The following CCDC170 variants were observed in gnomAD, a reference collection of about 807,000 sequenced individuals.
CCDC170 encodes the protein coiled-coil domain-containing protein 170.
In CCDC170, 69 loss-of-function variants were observed where a neutral mutation model predicts 72.6. That is an observed-to-expected ratio of 0.95 (90% confidence interval 0.78 to 1.16). The LOEUF is 1.16. Among genes scored for constraint, CCDC170 ranks in the 50% most tolerant of loss-of-function variants. The probability of loss-of-function intolerance (pLI) is 0.00; values close to 1 mark genes in which losing one functional copy is unlikely to be tolerated. For missense variants in CCDC170, 852 were observed against 832.5 expected, an observed-to-expected ratio of 1.02 and a Z score of -0.29; for synonymous variants, 300 against 303.9, an observed-to-expected ratio of 0.99 and a Z score of 0.13.
chr6:151,606,587 T>C (rs1200074774), intron 9 of CCDC170, among the ~76,000 whole-genome samples: 3 of 152,240 alleles, frequency 2.0e-5, no homozygotes, highest in African/African-American at 7.2e-5. Flanking sequence ...GAAGAGCATG[T>C]ATTCTGCAGT....
intron 9 of CCDC170, among the ~76,000 whole-genome samples, chr6:151,610,220 T>C (rs954484750): frequency 3.3e-5 from 5 of 152,222 alleles, no homozygotes; most frequent in Admixed American, 1.3e-4. Context: ...TGTTTAATGG[T>C]CTACAGAATA....
intron 7 of CCDC170, among the ~76,000 whole-genome samples, chr6:151,590,892 C>T (rs974675045): frequency 6.6e-6 from 1 of 152,126 alleles, no homozygotes; most frequent in Non-Finnish European, 1.5e-5. Flanking sequence ...CAAGCAATAG[C>T]AGTTAGGTCA....
At position 151,596,386 on chromosome 6, in the gene CCDC170, C is replaced by T. The variant is rs1278416051; in HGVS notation, c.1519C>T (p.Leu507Phe). 3 of 1,614,112 alleles carry T rather than the reference C, an allele frequency of 1.9e-6. No homozygotes were observed. The highest frequency in any genetic ancestry group is 2.5e-6 in the Non-Finnish European group (3 of 1,180,010). ...GAGCAAAGAATTACACATGAGCCTC[C>T]TCCGGCAGAAAATAGCCCAGCTGGA... ...LESKELHMSL[L>F]RQKIAQLEEE... Residue 507 changes from leucine (L) to phenylalanine (F), a missense_variant, in exon 9 of 11, where the codon CTC (leucine) becomes TTC (phenylalanine). Leu to Phe is a conservative substitution (Grantham distance 22). Coordinates refer to ENST00000239374, the MANE Select transcript of CCDC170 (RefSeq NM_025059.4).
intron 1 of CCDC170, among the ~76,000 whole-genome samples, chr6:151,532,251 C>T (rs1782500656): frequency 6.6e-6 from 1 of 151,940 alleles, no homozygotes; most frequent in Non-Finnish European, 1.5e-5. Context: ...TACAATATGA[C>T]AAAAAGATAA....
At chr6:151,513,066 A>G (rs1002899270) in intron 1 of CCDC170, among the ~76,000 whole-genome samples, 1 of 152,214 alleles carries the variant, frequency 6.6e-6, no homozygotes, top group Non-Finnish European at 1.5e-5. Flanking sequence ...CTAAGGAAAC[A>G]GTCAGAATTC....
chr6:151,571,490 G>A (rs1360370820), intron 5 of CCDC170, among the ~76,000 whole-genome samples: 1 of 152,180 alleles, frequency 6.6e-6, no homozygotes, highest in East Asian at 1.9e-4. Flanking sequence ...CACTTTGGGA[G>A]GCCGAAGCGG....
intron 5 of CCDC170, among the ~76,000 whole-genome samples, chr6:151,567,763 C>T (rs1776158245): frequency 6.6e-6 from 1 of 152,096 alleles, no homozygotes; most frequent in Non-Finnish European, 1.5e-5. Flanking sequence ...TCACCACTAG[C>T]CACTTACCAC....
intron 5 of CCDC170, among the ~76,000 whole-genome samples, chr6:151,549,601 T>C (rs1782844907): frequency 6.6e-6 from 1 of 152,008 alleles, no homozygotes; most frequent in South Asian, 2.1e-4. Flanking sequence ...CTTTAAAAAA[T>C]TTATTTGTAG....
chr6:151,557,796 G>A (rs553902722), intron 5 of CCDC170, among the ~76,000 whole-genome samples: 5 of 152,256 alleles, frequency 3.3e-5, no homozygotes, highest in African/African-American at 1.2e-4. Context: ...GCATTTCCCT[G>A]ATGATCAGTG....
intron 1 of CCDC170, among the ~76,000 whole-genome samples, chr6:151,509,586 A>G (rs899769133): frequency 3.3e-5 from 5 of 152,322 alleles, no homozygotes; most frequent in Admixed American, 2.0e-4. Context: ...ACAAGATCCA[A>G]TCTGTACATT....
intron 5 of CCDC170, among the ~76,000 whole-genome samples, chr6:151,560,980 G>A (rs916950105): frequency 1.6e-4 from 24 of 151,754 alleles, no homozygotes; most frequent in African/African-American, 5.8e-4. Context: ...TGATGTGTGA[G>A]GTTTTGTTTC....
chr6:151,567,705 A>T (rs1295422797), intron 5 of CCDC170, among the ~76,000 whole-genome samples: 1 of 152,222 alleles, frequency 6.6e-6, no homozygotes, highest in Non-Finnish European at 1.5e-5. Flanking sequence ...CAGCCTTAAA[A>T]TATCACATCT....
At chr6:151,544,119 C>A (rs1223293929) in intron 3 of CCDC170, among the ~76,000 whole-genome samples, 1 of 152,054 alleles carries the variant, frequency 6.6e-6, no homozygotes, top group Non-Finnish European at 1.5e-5. Flanking sequence ...GAACCAGGAC[C>A]CTTATAAATC....
intron 6 of CCDC170, among the ~76,000 whole-genome samples, chr6:151,582,824 C>T (rs973654455): frequency 5.3e-5 from 8 of 152,048 alleles, no homozygotes; most frequent in Non-Finnish European, 1.0e-4. Flanking sequence ...TGAGCAGTCA[C>T]TCAATTCTGC....
At chr6:151,574,851 T>C (rs1329237161) in intron 6 of CCDC170, among the ~76,000 whole-genome samples, 1 of 152,252 alleles carries the variant, frequency 6.6e-6, no homozygotes, top group African/African-American at 2.4e-5. Context: ...CTTAACTCAT[T>C]GCCTGGCAAG....
intron 5 of CCDC170, among the ~76,000 whole-genome samples, chr6:151,562,985 G>T (rs1053952347): frequency 6.6e-6 from 1 of 152,196 alleles, no homozygotes. Context: ...TTGGTCCTTT[G>T]GTTTTTGGCC....
rs551508592 is a variant in CCDC170 at position 151,602,219 on chromosome 6, C to T, written c.1710+5642C>T. Among the ~76,000 whole-genome samples, 7 of 152,176 alleles carry T rather than the reference C, an allele frequency of 4.6e-5. No homozygotes were observed. The East Asian group carries it at 7.7e-4, about 17-fold the overall frequency. On this transcript the variant is annotated intron_variant, in intron 9 of 10. Transcript: ENST00000239374. ...TACTATTACATTTTAATTTGGCAGGCAAACATAAGTATAATAGAAATCCTT... is the reference window on the plus strand; with the variant it reads ...TACTATTACATTTTAATTTGGCAGGTAAACATAAGTATAATAGAAATCCTT...
intron 1 of CCDC170, among the ~76,000 whole-genome samples, chr6:151,522,463 C>G (rs76175278): frequency 0.012 from 1,782 of 152,254 alleles, 24 homozygotes; most frequent in African/African-American, 0.041. Context: ...ATCACCTGCT[C>G]AACCCCAACT....
intron 1 of CCDC170, among the ~76,000 whole-genome samples, chr6:151,502,353 G>A (rs1782004691): frequency 6.6e-6 from 1 of 152,052 alleles, no homozygotes; most frequent in African/African-American, 2.4e-5. Context: ...ATAGGGAGTG[G>A]GTCAGTCTCA....
Sources: gnomAD v4.1 joint callset for allele counts (sites outside exome capture counted in the v4.1 genomes callset) on GRCh38, gnomAD v4.1.1 for gene constraint, MANE v1.5 for transcripts, NCBI Gene and HGNC (gene_info 2026-07-23, HGNC 2026-07-21) for gene names.